Variants in ACBD6 observed in about 807,000 individuals in gnomAD.
The protein encoded by ACBD6 is acyl-CoA-binding domain-containing protein 6.
A neutral mutation model predicts 37.2 loss-of-function variants in ACBD6; 28 were observed. The observed-to-expected ratio is 0.75, with a 90% CI of 0.56 to 1.03. The LOEUF is 1.03. Among genes scored for constraint, ACBD6 ranks in the 50% least tolerant of loss-of-function variants. The probability of loss-of-function intolerance (pLI) is 0.00; values close to 1 mark genes in which losing one functional copy is unlikely to be tolerated. For missense variants in ACBD6, 340 were observed against 337.4 expected (o/e 1.01, Z -0.06); for synonymous variants, 113 against 126.8 (o/e 0.89, Z 0.73).
chr1:180,479,508 GA>G (rs1229411109), intron 3 of ACBD6, among the ~76,000 whole-genome samples: 2 of 152,142 alleles, frequency 1.3e-5, no homozygotes. Flanking sequence ...GTAGGGGGAA[GA>G]GGGGAAAATG....
intron 6 of ACBD6, among the ~76,000 whole-genome samples, chr1:180,378,307 G>T (rs1324497142): frequency 2.0e-5 from 3 of 152,074 alleles, no homozygotes; most frequent in African/African-American, 7.2e-5. Context: ...AAAGCATAAG[G>T]ATAATTAAAG....
At chr1:180,409,065 A>T (rs1053946065) in intron 5 of ACBD6, among the ~76,000 whole-genome samples, 5 of 152,082 alleles carry the variant, frequency 3.3e-5, no homozygotes, top group Non-Finnish European at 7.4e-5. Flanking sequence ...CTGAGGTGGG[A>T]GGATCGCTTG....
chr1:180,365,429 C>T (rs1653019280), intron 6 of ACBD6, among the ~76,000 whole-genome samples: 1 of 152,172 alleles, frequency 6.6e-6, no homozygotes, highest in African/African-American at 2.4e-5. Flanking sequence ...ATGACTTATA[C>T]TGTTTTGTGA....
intron 6 of ACBD6, among the ~76,000 whole-genome samples, chr1:180,390,883 A>AGGCTTTTTTCAATAGC (rs1398758757): frequency 6.6e-6 from 1 of 152,168 alleles, no homozygotes; most frequent in Non-Finnish European, 1.5e-5. Flanking sequence ...AGCCAAAACA[A>AGGCTTTTTTCAATAGC]CTTTGAAAAA....
intron 6 of ACBD6, among the ~76,000 whole-genome samples, chr1:180,358,016 G>A (rs1652692455): frequency 6.6e-6 from 1 of 152,192 alleles, no homozygotes; most frequent in Non-Finnish European, 1.5e-5. Flanking sequence ...GCCTAACAAT[G>A]CTGGAAAGTA....
intron 7 of ACBD6, among the ~76,000 whole-genome samples, chr1:180,300,091 C>T (rs903581332): frequency 1.3e-5 from 2 of 152,134 alleles, no homozygotes; most frequent in African/African-American, 4.8e-5. Flanking sequence ...AGTTTGACAA[C>T]TGCTATAATC....
chr1:180,321,009 G>A (rs1005235687), intron 6 of ACBD6, among the ~76,000 whole-genome samples: 6 of 152,040 alleles, frequency 3.9e-5, no homozygotes, highest in East Asian at 1.9e-4. Flanking sequence ...TTCTGCATAC[G>A]GGTATCTAGT....
intron 6 of ACBD6, among the ~76,000 whole-genome samples, chr1:180,339,889 C>A (rs1219565008): frequency 1.3e-5 from 2 of 151,508 alleles, no homozygotes; most frequent in Non-Finnish European, 2.9e-5. Flanking sequence ...GGAGGTAGGG[C>A]AGATTGGGTA....
At chr1:180,278,002 G>A (rs1006695596) in intron 9 of ACBD6, 7 of 152,208 alleles carry the variant, frequency 4.6e-5, no homozygotes, top group Admixed American at 4.6e-4. Context: ...TATCTCAGAA[G>A]CTCAAACTGG....
Position 180,481,720 on chromosome 1 carries a change from AG to A in ACBD6, c.384+10548del, listed in dbSNP as rs1371756127. 2.4e-5 allele frequency among the ~76,000 whole-genome samples: 3 copies of A among 122,842 alleles called. No homozygotes were observed. The Admixed American group carries it at 2.5e-4, about 10-fold the overall frequency. The allele number at this position is 122,842 out of a possible 152,430, so 80.6% of individuals were successfully genotyped here. A position where few individuals can be genotyped will look rare whatever the true frequency, so the allele number is the denominator to read the frequency against. ...ATGCCCTGGAACTTGAAGAAACAAA[AG>A]AAGAACCAGAAGGTTGGAAATACAC... On this transcript the variant is annotated intron_variant, in intron 3 of 7. Transcript: ENST00000367595.
At chr1:180,351,607 G>T (rs548717675) in intron 6 of ACBD6, among the ~76,000 whole-genome samples, 64 of 146,160 alleles carry the variant, frequency 4.4e-4, no homozygotes, top group Middle Eastern at 3.5e-3. Flanking sequence ...TTTTTTGATA[G>T]GGCATTGAGA....
chr1:180,317,192 T>A (rs542732850), intron 6 of ACBD6, among the ~76,000 whole-genome samples: 22 of 152,336 alleles, frequency 1.4e-4, no homozygotes, highest in African/African-American at 5.3e-4. Flanking sequence ...TATAAATACG[T>A]ACAATTATTA....
chr1:180,495,634 T>C, intron 1 of ACBD6, 109 bp from the exon 2 acceptor site: 1 of 848,182 alleles, frequency 1.2e-6, no homozygotes, highest in Non-Finnish European at 1.9e-6. Context: ...TGGAAAATAT[T>C]TGCATCTATA....
In ACBD6 at chr1:180,381,933, C is replaced by A. The variant is rs531008192; in HGVS notation, c.663+15583G>T. Among the ~76,000 whole-genome samples, 27 of 151,840 alleles carry A rather than the reference C, an allele frequency of 1.8e-4. No individual in the cohort carries two copies. The East Asian group carries it at 4.8e-3, about 27-fold the overall frequency. On this transcript the variant is annotated intron_variant, in intron 6 of 7. Transcript: ENST00000367595. ...GACCAGCCTGGCCAACATGGTGAAA[C>A]CCCATCTCTACTAAAAAATACAAAA...
chr1:180,288,325 C>A lies in ACBD6; in HGVS notation c.*38G>T, dbSNP rs759238164. The A allele has an allele frequency of 1.2e-6, 2 of 1,612,960 alleles. No individual in the cohort carries two copies. Among genetic ancestry groups the A allele is most frequent in the East Asian group, 4.5e-5 (2 of 44,874 alleles). ...TGTAGTTTTCTTTCATAATGGAAGC[C>A]TTATGCTATTACAGACTGCAGTTTT... On this transcript the variant is annotated 3_prime_UTR_variant, in exon 8 of 8. Coordinates refer to ENST00000367595, the MANE Select transcript of ACBD6 (RefSeq NM_032360.4).
At position 180,456,781 on chromosome 1, in the gene ACBD6, T is replaced by G. The variant is rs140701521; in HGVS notation, c.385-26519A>C. 1.1e-3 allele frequency among the ~76,000 whole-genome samples: 174 copies of G among 152,170 alleles called. 2 individuals are homozygous for G. In the East Asian group the frequency reaches 0.031, roughly 27 times the overall value. ...CTCTGTTGCCCAGGTTGGAGTACAG[T>G]GGCATGATCAGGGCTCACTGCAGCC... On this transcript the variant is annotated intron_variant, in intron 3 of 7. Coordinates refer to ENST00000367595, the MANE Select transcript of ACBD6 (RefSeq NM_032360.4).
At chr1:180,501,918 AC>A (rs200762440) in intron 1 of ACBD6, 126 bp downstream of exon 1, 44,030 of 630,004 alleles carry the variant, frequency 0.07, 1,280 homozygotes, top group Middle Eastern at 0.096. Context: ...AAAAAAAAAA[AC>A]AAAACAAAAT....
intron 3 of ACBD6, among the ~76,000 whole-genome samples, chr1:180,463,442 C>A (rs1650226188): frequency 6.6e-6 from 1 of 152,012 alleles, no homozygotes; most frequent in South Asian, 2.1e-4. Flanking sequence ...TGCATATAAA[C>A]TAAAAACTCT....
Position 180,494,283 on chromosome 1 carries a change from C to T in ACBD6, c.287+1178G>A, listed in dbSNP as rs185647373. ...CTATAAAATCTAAATTTTTTAATTG[C>T]TAAAAACAATGGAGAAACAGGCAAA... On this transcript the variant is annotated intron_variant, in intron 2 of 7. Coordinates refer to ENST00000367595, the MANE Select transcript of ACBD6 (RefSeq NM_032360.4). Among the ~76,000 whole-genome samples, 147 of 151,664 alleles carry T rather than the reference C, an allele frequency of 9.7e-4. 1 individual carries two copies. The highest frequency in any genetic ancestry group is 3.5e-3 in the African/African-American group (143 of 41,328).
Sources: gnomAD v4.1 joint callset for allele counts (sites outside exome capture counted in the v4.1 genomes callset) on GRCh38, gnomAD v4.1.1 for gene constraint, MANE v1.5 for transcripts, NCBI Gene and HGNC (gene_info 2026-07-23, HGNC 2026-07-21) for gene names.